BARX2: variants seen among roughly 807,000 people sequenced by gnomAD.
BARX2 encodes BARX homeobox 2.
In BARX2, 11 loss-of-function variants were observed where a neutral mutation model predicts 25.5. The observed-to-expected ratio is 0.43, with a 90% CI of 0.27 to 0.71. BARX2 has a LOEUF of 0.71. BARX2 is among the 30% of genes least tolerant of loss of function. The pLI is 0.19. For missense variants in BARX2, 360 were observed against 359.9 expected, an observed-to-expected ratio of 1.00 and a Z score of 0.00; for synonymous variants, 137 against 149.5, an observed-to-expected ratio of 0.92 and a Z score of 0.61.
chr11:129,394,934 C>CT (rs1179195383), intron 1 of BARX2, among the ~76,000 whole-genome samples: 1 of 34,970 alleles, frequency 2.9e-5, no homozygotes, highest in African/African-American at 1.5e-4. Context: ...GTCCACTCAG[C>CT]ATTTTTTTTT....
At position 129,434,199 on chromosome 11, in the gene BARX2, G is replaced by A. The variant is rs548721247; in HGVS notation, c.188-2552G>A. Among the ~76,000 whole-genome samples, 17 of 150,458 alleles carry A rather than the reference G, an allele frequency of 1.1e-4. No individual in the cohort carries two copies. The East Asian group carries it at 1.8e-3, about 16-fold the overall frequency. On this transcript the variant is annotated intron_variant, in intron 1 of 3. Coordinates refer to ENST00000281437, the MANE Select transcript of BARX2 (RefSeq NM_003658.5). ...TCAATAATATATTAGGTATTTTCTC[G>A]TATTAGTTTATATATAGTTTATCCA... is the stretch of plus-strand genomic sequence containing the variant.
rs1345261598 is a variant in BARX2, at chr11:129,376,911, A to G, written c.187+689A>G. 6.6e-5 allele frequency among the ~76,000 whole-genome samples: 10 copies of G among 152,264 alleles called. No individual in the cohort carries two copies. The highest frequency in any genetic ancestry group is 4.6e-4 in the Admixed American group (7 of 15,290). Reference sequence around the variant, plus strand: ...TCTCTCTTCACGGGAGGTAAGAGCAATAGTAAAGATAAAGAGAACTTAATA... The same window carrying G: ...TCTCTCTTCACGGGAGGTAAGAGCAGTAGTAAAGATAAAGAGAACTTAATA... On this transcript the variant is annotated intron_variant, in intron 1 of 3. Transcript: ENST00000281437. The surrounding 1 kb of genome is among the most constrained non-coding windows in gnomAD (Gnocchi z 4.2).
intron 1 of BARX2, among the ~76,000 whole-genome samples, chr11:129,432,689 C>A (rs1433057677): frequency 6.6e-6 from 1 of 152,130 alleles, no homozygotes; most frequent in African/African-American, 2.4e-5. Context: ...AAAGATTATT[C>A]TTTTTGACAA....
At chr11:129,382,253 A>G (rs1269397764) in intron 1 of BARX2, among the ~76,000 whole-genome samples, 1 of 152,094 alleles carries the variant, frequency 6.6e-6, no homozygotes, top group Non-Finnish European at 1.5e-5. Flanking sequence ...ATCTTGGCTC[A>G]CTGCAACCTC....
intron 2 of BARX2, 159 bp downstream of exon 2, chr11:129,437,210 A>G: frequency 2.3e-6 from 2 of 851,086 alleles, no homozygotes; most frequent in Non-Finnish European, 3.3e-6. Context: ...TGGTTAACAG[A>G]ACCCAGCCCA....
Position 129,431,712 on chromosome 11 carries a change from C to T in BARX2, c.188-5039C>T, listed in dbSNP as rs1233055701. Reference sequence around the variant, plus strand: ...GTCAGGTGTGAGATTTGTCAGGTCTCACAGTCTGCAGCTTTTTTCATTTTC... The same window carrying T: ...GTCAGGTGTGAGATTTGTCAGGTCTTACAGTCTGCAGCTTTTTTCATTTTC... On this transcript the variant is annotated intron_variant, in intron 1 of 3. Transcript: ENST00000281437. 2.6e-5 allele frequency among the ~76,000 whole-genome samples: 4 copies of T among 152,004 alleles called. No homozygotes were observed. In the East Asian group the frequency reaches 7.7e-4, roughly 29 times the overall value.
At chr11:129,414,957 C>G (rs1008717371) in intron 1 of BARX2, among the ~76,000 whole-genome samples, 2 of 152,208 alleles carry the variant, frequency 1.3e-5, no homozygotes, top group African/African-American at 4.8e-5. Context: ...TGGCTCTAGG[C>G]ATTAAGCATC....
chr11:129,441,379 T>A (rs532769687), intron 2 of BARX2, among the ~76,000 whole-genome samples: 4 of 152,226 alleles, frequency 2.6e-5, no homozygotes, highest in Non-Finnish European at 5.9e-5. Context: ...GTAAATACTT[T>A]ACATTTTGTG....
chr11:129,440,551 A>T (rs746570257), intron 2 of BARX2, among the ~76,000 whole-genome samples: 1 of 152,188 alleles, frequency 6.6e-6, no homozygotes, highest in African/African-American at 2.4e-5. Flanking sequence ...CTGGGAATTT[A>T]TTGGCTTTAG....
chr11:129,393,149 T>G (rs1157996700), intron 1 of BARX2, among the ~76,000 whole-genome samples: 1 of 152,080 alleles, frequency 6.6e-6, no homozygotes, highest in East Asian at 1.9e-4. Flanking sequence ...ACCAGAGGAT[T>G]GCTTGAGCCC....
chr11:129,405,395 A>G (rs1044389986), intron 1 of BARX2, among the ~76,000 whole-genome samples: 1 of 152,090 alleles, frequency 6.6e-6, no homozygotes, highest in Non-Finnish European at 1.5e-5. Flanking sequence ...ATTTAATGGG[A>G]TCCCCATTTG....
intron 1 of BARX2, among the ~76,000 whole-genome samples, chr11:129,400,994 C>G (rs1308211339): frequency 1.3e-5 from 2 of 152,188 alleles, no homozygotes; most frequent in Non-Finnish European, 2.9e-5. Context: ...GTGGTCAGAG[C>G]CGTGCTCCTT....
Position 129,426,607 on chromosome 11 carries a change from C to T in BARX2, c.188-10144C>T, listed in dbSNP as rs1363370127. Among the ~76,000 whole-genome samples, 6 of 152,070 alleles carry T rather than the reference C, an allele frequency of 3.9e-5. No individual in the cohort carries two copies. The South Asian group carries it at 8.3e-4, about 21-fold the overall frequency. On this transcript the variant is annotated intron_variant, in intron 1 of 3. Transcript: ENST00000281437. Reference sequence around the variant, plus strand: ...GGCCAGGCTGGTCTTGAACTCCTGACCTCAGGTGATCCTCCCACCTCAGCC... The same window carrying T: ...GGCCAGGCTGGTCTTGAACTCCTGATCTCAGGTGATCCTCCCACCTCAGCC...
chr11:129,378,991 AATCACCTG>A (rs1474508205), intron 1 of BARX2, among the ~76,000 whole-genome samples: 8 of 152,226 alleles, frequency 5.3e-5, no homozygotes, highest in African/African-American at 1.9e-4. Flanking sequence ...TCAGGCAGAT[AATCACCTG>A]ACAGGAATTT....
chr11:129,416,626 G>A (rs900090468), intron 1 of BARX2, among the ~76,000 whole-genome samples: 1 of 152,090 alleles, frequency 6.6e-6, no homozygotes, highest in African/African-American at 2.4e-5. Context: ...CTTGAACTCT[G>A]ACCTGCTAGA....
chr11:129,434,213 A>G (rs1324298181), intron 1 of BARX2, among the ~76,000 whole-genome samples: 2 of 151,300 alleles, frequency 1.3e-5, no homozygotes, highest in African/African-American at 4.9e-5. Context: ...TAGTTTATAT[A>G]TAGTTTATCC....
Position 129,451,251 on chromosome 11 carries a change from G to A in BARX2, c.689G>A (p.Gly230Asp). Residue 230 changes from glycine to aspartate, a missense_variant, in exon 4 of 4, where the codon GGT becomes GAT. Physicochemically the swap from Gly to Asp is moderately conservative, Grantham distance 94. Around this residue, in one of 3 missense-constraint regions of BARX2, gnomAD observed 114 missense variants for 109.4 expected, o/e 1.04. Coordinates refer to ENST00000281437, the MANE Select transcript of BARX2 (RefSeq NM_003658.5). ...GAGAAGATGAACAGCCAGGCCCAGGGTCAGGAGCAGCTGGAGCCCTCTCAG... is the reference window on the plus strand; with the variant it reads ...GAGAAGATGAACAGCCAGGCCCAGGATCAGGAGCAGCTGGAGCCCTCTCAG... ...AEEKMNSQAQGQEQLEPSQGQ... is the reference protein window; with the variant it reads ...AEEKMNSQAQDQEQLEPSQGQ... The A allele has an allele frequency of 6.2e-7, 1 of 1,614,192 alleles. No homozygotes were observed. The highest frequency in any genetic ancestry group is 8.5e-7 in the Non-Finnish European group (1 of 1,180,032).
At chr11:129,427,323 C>T (rs1862075203) in intron 1 of BARX2, among the ~76,000 whole-genome samples, 1 of 152,152 alleles carries the variant, frequency 6.6e-6, no homozygotes, top group South Asian at 2.1e-4. Flanking sequence ...TTTCCACTAC[C>T]TCAAACTACC....
chr11:129,416,208 G>C (rs747409593), intron 1 of BARX2, among the ~76,000 whole-genome samples: 3 of 152,188 alleles, frequency 2.0e-5, no homozygotes, highest in Non-Finnish European at 4.4e-5. Flanking sequence ...TGTGACTTGA[G>C]TTTTGCCATT....
Sources: gnomAD v4.1 joint callset for allele counts (sites outside exome capture counted in the v4.1 genomes callset) on GRCh38, gnomAD v4.1.1 for gene constraint, gnomAD v4.1.1 regional missense constraint, Gnocchi (gnomAD v3.1) non-coding constraint, MANE v1.5 for transcripts, NCBI Gene and HGNC (gene_info 2026-07-23, HGNC 2026-07-21) for gene names.